The following ANK2 variants were observed in gnomAD, a reference collection of about 807,000 sequenced individuals.
ANK2 encodes ankyrin 2.
In ANK2, 83 loss-of-function variants were observed where a neutral mutation model predicts 360.5. The observed-to-expected ratio is 0.23, with a 90% CI of 0.19 to 0.28. ANK2 has a LOEUF of 0.28. Ranked by LOEUF, ANK2 falls within the 10% of genes least tolerant of loss-of-function variation. The pLI, the probability that ANK2 is intolerant of heterozygous loss-of-function variation, is 1.00. For synonymous variants in ANK2, 1,740 were observed against 1,759.5 expected (o/e 0.99, Z 0.28); for missense variants, 4,201 against 4,795.7 (o/e 0.88, Z 3.66).
At chr4:112,814,453 GTTTGTTTT>G (rs2055504290), upstream of ANK2, among the ~76,000 whole-genome samples, 1 of 142,012 alleles carries the variant, frequency 7.0e-6, no homozygotes, top group South Asian at 2.3e-4. Flanking sequence ...TTGTTTGTTT[GTTTGTTTT>G]TTTGAGACAA....
chr4:113,060,099 T>G (rs2072401734), intron 1 of ANK2, among the ~76,000 whole-genome samples: 1 of 151,936 alleles, frequency 6.6e-6, no homozygotes, highest in Non-Finnish European at 1.5e-5. Context: ...TTTTAGAAGG[T>G]CATATGAGGG....
chr4:113,016,996 A>G (rs2056817991), intron 2 of ANK2, among the ~76,000 whole-genome samples: 1 of 152,140 alleles, frequency 6.6e-6, no homozygotes, highest in Non-Finnish European at 1.5e-5. Context: ...ATCATCTACT[A>G]TCCCGTTCAC....
At chr4:113,104,213 T>C (rs998178053) in intron 1 of ANK2, among the ~76,000 whole-genome samples, 4 of 152,224 alleles carry the variant, frequency 2.6e-5, no homozygotes, top group African/African-American at 9.6e-5. Flanking sequence ...GTTGCTGTTG[T>C]TGTTTTCTTC....
At chr4:113,137,125 C>T (rs890668248) in intron 1 of ANK2, among the ~76,000 whole-genome samples, 2 of 152,132 alleles carry the variant, frequency 1.3e-5, no homozygotes, top group African/African-American at 4.8e-5. Context: ...TGAGCCACTG[C>T]GCCCGACCTA....
At chr4:113,125,050 A>T (rs978061269) in intron 1 of ANK2, among the ~76,000 whole-genome samples, 5 of 152,162 alleles carry the variant, frequency 3.3e-5, no homozygotes, top group African/African-American at 4.8e-5. Context: ...TAATGGTGTT[A>T]TTTCACATTA....
the ANK2 span, among the ~76,000 whole-genome samples, chr4:112,716,294 C>T: frequency 2.0e-5 from 3 of 152,044 alleles, no homozygotes; most frequent in Non-Finnish European, 2.9e-5. Context: ...CAGGGTCTTG[C>T]TATGTTGACC....
chr4:113,151,741 A>G (rs2097094716), intron 1 of ANK2, among the ~76,000 whole-genome samples: 1 of 152,110 alleles, frequency 6.6e-6, no homozygotes, highest in African/African-American at 2.4e-5. Flanking sequence ...CAAGTTGTAC[A>G]TAAAATGCAA....
At chr4:112,982,494 T>C (rs927682697) in intron 2 of ANK2, among the ~76,000 whole-genome samples, 8 of 152,230 alleles carry the variant, frequency 5.3e-5, no homozygotes, top group Admixed American at 3.9e-4. Context: ...CACATAGTTA[T>C]TGCTGTGTTC....
chr4:112,850,249 C>CATCTATCT (rs200885271), intron 1 of ANK2, among the ~76,000 whole-genome samples: 1,603 of 139,334 alleles, frequency 0.012, 15 homozygotes, highest in East Asian at 0.021. Context: ...TAAGAAATTT[C>CATCTATCT]ATCTATCTAT....
rs786205738 is a variant in ANK2 at position 113,367,762 on chromosome 4, A to T, written c.11229A>T (p.Gln3743His). Residue 3743 changes from glutamine (Q) to histidine (H), a missense_variant, in exon 42 of 46, where the codon CAA (glutamine) becomes CAT (histidine). Transcript: ENST00000357077. ...GDSSATALFP[Q>H]THKEQVQQDF... ...GCTCAGCAACAGCACTCTTTCCCCA[A>T]ACTCACAAGGAGCAAGTTCAACAGG... The T allele has an allele frequency of 3.7e-6, 6 of 1,613,982 alleles. No homozygotes were observed. In the Admixed American group the frequency reaches 1.0e-4, roughly 27 times the overall value.
intron 2 of ANK2, among the ~76,000 whole-genome samples, chr4:113,032,315 GT>G (rs1338740488): frequency 6.7e-6 from 1 of 149,298 alleles, no homozygotes; most frequent in Non-Finnish European, 1.5e-5. Flanking sequence ...AGATGGCGTT[GT>G]CCCAGACTTG....
chr4:113,168,699 A>T (rs548462076), intron 1 of ANK2, among the ~76,000 whole-genome samples: 2 of 152,350 alleles, frequency 1.3e-5, no homozygotes, highest in African/African-American at 4.8e-5. Flanking sequence ...ACTGCAAGAA[A>T]GTAACTTCTG....
chr4:112,817,216 A>G (rs1366261473), upstream of ANK2, among the ~76,000 whole-genome samples: 1 of 152,154 alleles, frequency 6.6e-6, no homozygotes, highest in African/African-American at 2.4e-5. Flanking sequence ...TTTTTTTACC[A>G]GCCTTTAGAT....
chr4:113,158,899 A>G (rs953563146), intron 1 of ANK2, among the ~76,000 whole-genome samples: 3 of 152,188 alleles, frequency 2.0e-5, no homozygotes, highest in African/African-American at 4.8e-5. Flanking sequence ...TCCCACAATA[A>G]TCTAACTCTT....
At chr4:112,966,282 A>G (rs532142301) in intron 2 of ANK2, among the ~76,000 whole-genome samples, 4 of 151,808 alleles carry the variant, frequency 2.6e-5, no homozygotes, top group African/African-American at 9.6e-5. Flanking sequence ...AAAAATTGAA[A>G]TATACTAAAA....
At chr4:113,046,594 T>C (rs996859592), upstream of ANK2, among the ~76,000 whole-genome samples, 2 of 152,138 alleles carry the variant, frequency 1.3e-5, no homozygotes, top group African/African-American at 4.8e-5. Flanking sequence ...ATATGCCATC[T>C]GGGAAGAAGA....
At chr4:112,842,069 A>G (rs904732003) in intron 1 of ANK2, among the ~76,000 whole-genome samples, 2 of 151,522 alleles carry the variant, frequency 1.3e-5, no homozygotes, top group Non-Finnish European at 2.9e-5. Context: ...GAGTGCAGTG[A>G]TATGATCTCA....
intron 4 of ANK2, among the ~76,000 whole-genome samples, chr4:113,213,131 C>G (rs1027634918): frequency 1.3e-5 from 2 of 152,182 alleles, no homozygotes; most frequent in Non-Finnish European, 2.9e-5. Flanking sequence ...AGAAGTCCAA[C>G]TAACAAAATG....
At chr4:112,730,062 T>C in the ANK2 span, among the ~76,000 whole-genome samples, 1 of 151,940 alleles carries the variant, frequency 6.6e-6, no homozygotes, top group South Asian at 2.1e-4. Context: ...AGACTAAGCC[T>C]GGCCAATATG....
Sources: gnomAD v4.1 joint callset for allele counts (sites outside exome capture counted in the v4.1 genomes callset) on GRCh38, gnomAD v4.1.1 for gene constraint, MANE v1.5 for transcripts, NCBI Gene and HGNC (gene_info 2026-07-23, HGNC 2026-07-21) for gene names.